Variants in NME8 observed in about 807,000 individuals in gnomAD.
The protein encoded by NME8 is NME/NM23 family member 8, also known as protein NME8.
In NME8, 72 loss-of-function variants were observed where a neutral mutation model predicts 82.3. The observed-to-expected ratio is 0.87, with a 90% CI of 0.72 to 1.06. The LOEUF (loss-of-function observed/expected upper bound fraction) is 1.06, where lower values mean the gene tolerates loss of function less well. NME8 is among the 50% of genes least tolerant of loss of function. The pLI, the probability that NME8 is intolerant of heterozygous loss-of-function variation, is 0.00. For missense variants in NME8, 712 were observed against 685.4 expected (o/e 1.04, Z -0.43); for synonymous variants, 267 against 228.5 (o/e 1.17, Z -1.52).
intron 14 of NME8, among the ~76,000 whole-genome samples, chr7:37,885,756 C>T (rs918476626): frequency 4.6e-5 from 7 of 152,142 alleles, no homozygotes; most frequent in African/African-American, 1.7e-4. Flanking sequence ...ATAGGGGGAA[C>T]TCTTTCAATA....
At chr7:37,895,246 A>C (rs2131976083) in intron 16 of NME8, among the ~76,000 whole-genome samples, 1 of 152,352 alleles carries the variant, frequency 6.6e-6, no homozygotes, top group South Asian at 2.1e-4. Context: ...ACTTCTTTCT[A>C]CATGATGCAT....
Position 37,850,670 on chromosome 7 carries a change from A to G in NME8, c.133A>G (p.Met45Val). Reference protein sequence around the residue: ...YQAWCGPCRAMQPLFRKLKNE... With the variant: ...YQAWCGPCRAVQPLFRKLKNE... ...AGCCTGGTGTGGACCTTGCAGAGCA[A>G]TGCAACCTTTATTCAGAAAATTGAA... The change falls in exon 5 of 18, where the codon ATG (methionine) becomes GTG (valine). Residue 45 changes from methionine (M) to valine (V), a missense_variant. Transcript: ENST00000199447. 1.2e-6 allele frequency: 2 copies of G among 1,613,566 alleles called. No individual in the cohort carries two copies. Among genetic ancestry groups the G allele is most frequent in the Admixed American group, 3.3e-5 (2 of 60,030 alleles).
intron 2 of NME8, among the ~76,000 whole-genome samples, chr7:37,849,965 A>C (rs1437739588): frequency 1.3e-5 from 2 of 152,148 alleles, no homozygotes; most frequent in Middle Eastern, 3.2e-3. Flanking sequence ...TGTACATTTT[A>C]AAATAACTAA....
At chr7:37,876,229 T>G (rs1823518) in intron 11 of NME8, among the ~76,000 whole-genome samples, 6,750 of 146,136 alleles carry the variant, frequency 0.046, 399 homozygotes, top group African/African-American at 0.14. Context: ...TATATATATA[T>G]ATAGATAGAT....
chr7:37,853,032 A>G (rs1365359340), intron 5 of NME8, among the ~76,000 whole-genome samples: 1 of 152,218 alleles, frequency 6.6e-6, no homozygotes, highest in Non-Finnish European at 1.5e-5. Context: ...ATAAGTGTGT[A>G]GTGGAATCAC....
chr7:37,862,203 A>G (rs1784607141), intron 7 of NME8, 59 bp downstream of exon 7: 1 of 1,106,032 alleles, frequency 9.0e-7, no homozygotes, highest in African/African-American at 1.5e-5. Context: ...GTGAAATAGA[A>G]CAAAATGCAC....
intron 6 of NME8, among the ~76,000 whole-genome samples, chr7:37,859,314 T>G (rs1784564305): frequency 6.6e-6 from 1 of 152,112 alleles, no homozygotes; most frequent in Non-Finnish European, 1.5e-5. Context: ...CATCCATCCT[T>G]CTAATGCTTA....
At chr7:37,892,036 TC>T in intron 15 of NME8, among the ~76,000 whole-genome samples, 1 of 152,160 alleles carries the variant, frequency 6.6e-6, no homozygotes, top group South Asian at 2.1e-4. Context: ...ACATTTTTTT[TC>T]TTGGAGTTTC....
chr7:37,876,934 T>A lies in NME8; in HGVS notation c.921T>A (p.Phe307Leu), dbSNP rs746954043. 24 of 1,612,858 alleles carry A rather than the reference T, an allele frequency of 1.5e-5. No homozygotes were observed. In the Admixed American group the frequency reaches 1.7e-4, roughly 11 times the overall value. ...TCATGGATGCTTTCTTCCCCGATTT[T>A]AAAAAAATGAAAAGCATGAAATTAG... Reference protein sequence around the residue: ...AKFMDAFFPDFKKMKSMKLEK... With the variant: ...AKFMDAFFPDLKKMKSMKLEK... Residue 307 changes from phenylalanine to leucine, a missense_variant, in exon 12 of 18, where the codon TTT becomes TTA. Phe to Leu is a conservative substitution (Grantham distance 22). Coordinates refer to ENST00000199447, the MANE Select transcript of NME8 (RefSeq NM_016616.5).
chr7:37,876,793 GT>G (rs201707476), intron 11 of NME8, 38 bp from the exon 12 acceptor site: 16,163 of 1,467,422 alleles, frequency 0.011, 115 homozygotes, highest in Non-Finnish European at 0.013. Context: ...ATAAACCTCA[GT>G]TTATAATAAT....
At chr7:37,893,845 GCAGGAGA>G (rs1785174481) in intron 15 of NME8, among the ~76,000 whole-genome samples, 1 of 152,064 alleles carries the variant, frequency 6.6e-6, no homozygotes, top group African/African-American at 2.4e-5. Context: ...CTCCCTTCCA[GCAGGAGA>G]GGTCCAGCCT....
intron 7 of NME8, 99 bp downstream of exon 7, chr7:37,862,243 G>A (rs1326159994): frequency 3.8e-6 from 3 of 797,388 alleles, no homozygotes; most frequent in Non-Finnish European, 6.7e-6. Context: ...TAAAGGCTTT[G>A]AGTACTTTAT....
intron 11 of NME8, among the ~76,000 whole-genome samples, chr7:37,876,231 TAG>T (rs67730042): frequency 0.077 from 5,910 of 77,232 alleles, 387 homozygotes; most frequent in African/African-American, 0.17. Context: ...TATATATATA[TAG>T]ATAGATAGAT....
chr7:37,850,682 T>G lies in NME8; in HGVS notation c.145T>G (p.Phe49Val). Residue 49 changes from phenylalanine to valine, a missense_variant, in exon 5 of 18, where the codon TTC becomes GTC. Phe to Val is a conservative substitution (Grantham distance 50). Coordinates refer to ENST00000199447, the MANE Select transcript of NME8 (RefSeq NM_016616.5). ...CGPCRAMQPL[F>V]RKLKNELNED... ...ACCTTGCAGAGCAATGCAACCTTTA[T>G]TCAGAAAATTGAAAAATGAACTGAA... is the stretch of plus-strand genomic sequence containing the variant. 1.9e-6 allele frequency: 3 copies of G among 1,613,898 alleles called. No homozygotes were observed. Among genetic ancestry groups the G allele is most frequent in the Non-Finnish European group, 2.5e-6 (3 of 1,179,758 alleles).
intron 2 of NME8, 30 bp from the exon 3 acceptor site, chr7:37,850,229 TA>T (rs1784419144): frequency 3.8e-6 from 6 of 1,569,294 alleles, no homozygotes; most frequent in African/African-American, 1.5e-5. Context: ...ATTTCCTACT[TA>T]AAAATTTTTC....
chr7:37,853,300 A>G (rs1451832373), intron 5 of NME8, among the ~76,000 whole-genome samples: 1 of 152,074 alleles, frequency 6.6e-6, no homozygotes, highest in Non-Finnish European at 1.5e-5. Context: ...TTGTCATTGT[A>G]GTTTTTTTAA....
chr7:37,876,831 G>A lies in NME8; in HGVS notation c.819-1G>A. On this transcript the variant is annotated splice_acceptor_variant, in intron 11 of 17. Coordinates refer to ENST00000199447, the MANE Select transcript of NME8 (RefSeq NM_016616.5). LOFTEE classifies it high-confidence loss of function. Reference sequence around the variant, plus strand: ...TTAAATTATATTTTGGATTTTGACAGTTTACAAGAATATCTGGAAAGACAA... The same window carrying A: ...TTAAATTATATTTTGGATTTTGACAATTTACAAGAATATCTGGAAAGACAA... 1 of 1,608,104 alleles carries A rather than the reference G, an allele frequency of 6.2e-7. No individual in the cohort carries two copies. The highest frequency in any genetic ancestry group is 8.5e-7 in the Non-Finnish European group (1 of 1,175,324).
intron 16 of NME8, among the ~76,000 whole-genome samples, chr7:37,896,011 G>A (rs1169624912): frequency 6.6e-6 from 1 of 151,810 alleles, no homozygotes; most frequent in East Asian, 1.9e-4. Context: ...TTATTAAGAG[G>A]TACATGACTG....
chr7:37,855,566 G>A (rs1784498368), intron 5 of NME8, among the ~76,000 whole-genome samples: 1 of 152,076 alleles, frequency 6.6e-6, no homozygotes, highest in African/African-American at 2.4e-5. Flanking sequence ...ACCTGTTCAG[G>A]TAGACATCTT....
Sources: allele counts gnomAD v4.1 joint callset (sites outside exome capture counted in the v4.1 genomes callset), GRCh38; gene constraint gnomAD v4.1.1; transcripts MANE v1.5; gene names NCBI Gene and HGNC (gene_info 2026-07-23, HGNC 2026-07-21).